ATP5F1A: variants seen among roughly 807,000 people sequenced by gnomAD.
ATP5F1A encodes ATP synthase F1 subunit alpha.
In ATP5F1A, 24 loss-of-function variants were observed where a neutral mutation model predicts 57.4. The observed-to-expected ratio is 0.42, with a 90% CI of 0.30 to 0.59. The LOEUF is 0.59. ATP5F1A is among the 20% of genes least tolerant of loss of function. The probability of loss-of-function intolerance (pLI) is 0.19; values close to 1 mark genes in which losing one functional copy is unlikely to be tolerated. For missense variants in ATP5F1A, 494 were observed against 707.9 expected, an observed-to-expected ratio of 0.70 and a Z score of 3.43; for synonymous variants, 251 against 255.5, an observed-to-expected ratio of 0.98 and a Z score of 0.17.
At chr18:46,087,313 T>C (rs1384854645) in intron 7 of ATP5F1A, 28 bp downstream of exon 7, 6 of 1,612,704 alleles carry the variant, frequency 3.7e-6, no homozygotes, top group South Asian at 3.3e-5. Context: ...TACAAATAAA[T>C]GGATTCTAAA....
rs1452767789 is a variant in ATP5F1A, at chr18:46,097,977, C to T, written c.60+195G>A. 2.3e-5 allele frequency: 33 copies of T among 1,408,838 alleles called. 1 individual carries two copies. Among genetic ancestry groups the T allele is most frequent in the Non-Finnish European group, 2.9e-5 (32 of 1,084,796 alleles). 87.3% of individuals were successfully genotyped at this position (1,408,838 alleles called of 1,614,324 possible). A position where few individuals can be genotyped will look rare whatever the true frequency, so the allele number is the denominator to read the frequency against. On this transcript the variant is annotated intron_variant, in intron 1 of 11. Transcript: ENST00000398752. ...CATCGAGTTAACTGTCTGCCCTGTA[C>T]CATTCTGCCTCTGCGCAGGTGACGA... is the stretch of plus-strand genomic sequence containing the variant.
chr18:46,086,519 C>T, intron 8 of ATP5F1A, 25 bp from the exon 9 acceptor site: 1 of 1,593,016 alleles, frequency 6.3e-7, no homozygotes, highest in Non-Finnish European at 8.6e-7. Flanking sequence ...AATACGCACG[C>T]TAGCAAGCTT....
intron 1 of ATP5F1A, among the ~76,000 whole-genome samples, chr18:46,097,636 A>C (rs945684953): frequency 1.3e-5 from 2 of 152,150 alleles, no homozygotes; most frequent in Non-Finnish European, 2.9e-5. Context: ...CAGCACTAAG[A>C]GAAAGCCTAC....
chr18:46,089,763 C>T lies in ATP5F1A; in HGVS notation c.484-31G>A, dbSNP rs187831312. On this transcript the variant is annotated intron_variant, in intron 4 of 11. Transcript: ENST00000398752. The stretch of plus-strand genomic sequence containing the variant: ...AAAAAATAAAAAGAAAAACCCTAAG[C>T]ATAATCAGTTTTGATGTTTGTTAGA... 26 of 1,612,582 alleles carry T rather than the reference C, an allele frequency of 1.6e-5. No individual in the cohort carries two copies. The East Asian group carries it at 5.6e-4, about 35-fold the overall frequency.
At chr18:46,090,078 C>T (rs1335794801) in intron 3 of ATP5F1A, 82 bp from the exon 4 acceptor site, 11 of 92,622 alleles carry the variant, frequency 1.2e-4, no homozygotes, top group South Asian at 5.4e-4. Flanking sequence ...AGAAAATAGT[C>T]GGGGGGTGGG....
chr18:46,102,911 A>G (rs1417428501), upstream of ATP5F1A, among the ~76,000 whole-genome samples: 1 of 152,008 alleles, frequency 6.6e-6, no homozygotes, highest in African/African-American at 2.4e-5. Context: ...TCACCACTAT[A>G]CTCCAGCTTG....
chr18:46,097,626 C>T (rs1911057770), intron 1 of ATP5F1A, among the ~76,000 whole-genome samples: 1 of 151,740 alleles, frequency 6.6e-6, no homozygotes, highest in Non-Finnish European at 1.5e-5. Context: ...GTTTCGTATT[C>T]AGCACTAAGA....
intron 2 of ATP5F1A, 59 bp downstream of exon 2, chr18:46,094,994 G>A: frequency 6.5e-7 from 1 of 1,533,562 alleles, no homozygotes. Context: ...GTTATACGAT[G>A]TATGTAATTT....
At chr18:46,089,363 C>G in intron 5 of ATP5F1A, 1 of 600,556 alleles carries the variant, frequency 1.7e-6, no homozygotes, top group Non-Finnish European at 2.8e-6. Context: ...GCTCTACCGA[C>G]TGAGCTAGCT....
chr18:46,086,640 T>C, intron 8 of ATP5F1A, 146 bp from the exon 9 acceptor site: 1 of 707,344 alleles, frequency 1.4e-6, no homozygotes, highest in Non-Finnish European at 2.3e-6. Flanking sequence ...ACCTGACCTG[T>C]ATATTTTATT....
intron 5 of ATP5F1A, among the ~76,000 whole-genome samples, chr18:46,089,216 G>C (rs1049323807): frequency 6.6e-6 from 1 of 152,092 alleles, no homozygotes; most frequent in Non-Finnish European, 1.5e-5. Context: ...TCTATACTTT[G>C]TATCTGTGTC....
rs771547673 is a variant in ATP5F1A, at chr18:46,086,149, C to T, written c.1393G>A (p.Val465Met). 1.9e-5 allele frequency: 30 copies of T among 1,612,056 alleles called. No individual in the cohort carries two copies. In the East Asian group the frequency reaches 2.7e-4, roughly 14 times the overall value. The change falls in exon 10 of 12, where the codon GTG becomes ATG. Residue 465 changes from valine (V) to methionine (M), a missense_variant. Physicochemically the swap from Val to Met is conservative, Grantham distance 21. Around this residue, in one of 6 missense-constraint regions of ATP5F1A, gnomAD observed 127 missense variants for 195.2 expected, o/e 0.65. Transcript: ENST00000398752. ...TGCTTCAGCAACTCAGTTAGACGCA[C>T]GCCACGACTCAAAAGTTGTTGAGTG... ...AATQQLLSRG[V>M]RLTELLKQGQ...
rs946721063 is a variant in ATP5F1A at position 46,083,011 on chromosome 18, C to G, written c.*1271G>C. 2.0e-5 allele frequency: 3 copies of G among 152,116 alleles called. No individual in the cohort carries two copies. Among genetic ancestry groups the G allele is most frequent in the South Asian group, 2.1e-4 (1 of 4,834 alleles). The allele number at this position is 152,116 out of a possible 1,614,324, so 9.4% of individuals were successfully genotyped here. On this transcript the variant is annotated 3_prime_UTR_variant, in exon 12 of 12. Coordinates refer to ENST00000398752, the MANE Select transcript of ATP5F1A (RefSeq NM_004046.6). ...GGTGCAGTGAGCTGAGATTACGCCA[C>G]TGCTCTCCAGCCTAGGTGACAGAGC...
At position 46,087,076 on chromosome 18, in the gene ATP5F1A, T is replaced by C. The variant is rs1302017048; in HGVS notation, c.1108A>G (p.Ile370Val). The change falls in exon 8 of 12, where the codon ATA (isoleucine) becomes GTA (valine). Residue 370 changes from isoleucine (I) to valine (V), a missense_variant. Coordinates refer to ENST00000398752, the MANE Select transcript of ATP5F1A (RefSeq NM_004046.6). Reference sequence around the variant, plus strand: ...GACACATCACCAGCCTGTGTTTCTATGACTGGCAAAGCAGTCAAGGAGCCA... The same window carrying C: ...GACACATCACCAGCCTGTGTTTCTACGACTGGCAAAGCAGTCAAGGAGCCA... ...GGGSLTALPV[I>V]ETQAGDVSAY... The C allele has an allele frequency of 6.2e-7, 1 of 1,613,974 alleles. No homozygotes were observed. The highest frequency in any genetic ancestry group is 1.3e-5 in the African/African-American group (1 of 74,944).
chr18:46,091,408 TA>T (rs1331041138), intron 3 of ATP5F1A, among the ~76,000 whole-genome samples: 1 of 152,224 alleles, frequency 6.6e-6, no homozygotes, highest in Non-Finnish European at 1.5e-5. Flanking sequence ...AGAACAGACT[TA>T]AACTTCTTGG....
At position 46,092,366 on chromosome 18, in the gene ATP5F1A, T is replaced by C. The variant is rs577724163; in HGVS notation, c.140-515A>G. 2.0e-5 allele frequency among the ~76,000 whole-genome samples: 3 copies of C among 151,382 alleles called. No individual in the cohort carries two copies. In the East Asian group the frequency reaches 5.8e-4, roughly 29 times the overall value. ...AGCCACAGTGGTAATGCTAGCACTTTAGGAGGCTGAGGCAGGCAGATCACT... is the reference window on the plus strand; with the variant it reads ...AGCCACAGTGGTAATGCTAGCACTTCAGGAGGCTGAGGCAGGCAGATCACT... On this transcript the variant is annotated intron_variant, in intron 2 of 11. Coordinates refer to ENST00000398752, the MANE Select transcript of ATP5F1A (RefSeq NM_004046.6).
rs577725010 is a variant in ATP5F1A at position 46,081,881 on chromosome 18, T to C, written c.*2401A>G. On this transcript the variant is annotated 3_prime_UTR_variant, in exon 12 of 12. Transcript: ENST00000398752. The stretch of plus-strand genomic sequence containing the variant: ...TATGAGTACTTTAAGAACTCTCCTT[T>C]TCCTACCAAAGATATTGGAGCCCAC... The C allele has an allele frequency of 1.6e-4, 25 of 151,996 alleles. No homozygotes were observed. Among genetic ancestry groups the C allele is most frequent in the African/African-American group, 5.8e-4 (24 of 41,496 alleles). 9.4% of individuals were successfully genotyped at this position (151,996 alleles called of 1,614,324 possible). A position where few individuals can be genotyped will look rare whatever the true frequency, so the allele number is the denominator to read the frequency against.
rs146467617 is a variant in ATP5F1A at position 46,091,743 on chromosome 18, C to T, written c.248G>A (p.Arg83His). The T allele has an allele frequency of 1.5e-4, 244 of 1,613,680 alleles. No homozygotes were observed. The highest frequency in any genetic ancestry group is 6.9e-4 in the African/African-American group (52 of 74,856). ...RVLSIGDGIA[R>H]VHGLRNVQAE... is the part of the protein sequence containing the mutation. ...TTGAACATTCCTCAGCCCATGTACG[C>T]GGGCAATACCATCACCAATACTTAA... The change falls in exon 3 of 12, where the codon CGC becomes CAC. Residue 83 changes from arginine to histidine, a missense_variant. Physicochemically the swap from Arg to His is conservative, Grantham distance 29. This residue lies in a region of ATP5F1A where 142 missense variants were observed against 137.5 expected (regional missense o/e 1.03). Transcript: ENST00000398752.
rs367927966 is a variant in ATP5F1A at position 46,088,232 on chromosome 18, T to C, written c.676A>G (p.Ile226Val). 6 of 1,589,730 alleles carry C rather than the reference T, an allele frequency of 3.8e-6. No homozygotes were observed. Among genetic ancestry groups the C allele is most frequent in the African/African-American group, 1.4e-5 (1 of 73,326 alleles). The change falls in exon 6 of 12, where the codon ATC (isoleucine) becomes GTC (valine). Residue 226 changes from isoleucine (I) to valine (V), a missense_variant. Physicochemically the swap from Ile to Val is conservative, Grantham distance 29 (BLOSUM62 3). Around this residue, in one of 6 missense-constraint regions of ATP5F1A, gnomAD observed 191 missense variants for 267.7 expected, o/e 0.71. Transcript: ENST00000398752. The stretch of plus-strand genomic sequence containing the variant: ...TCATTGAAACGTTTCTGGTTAATGA[T>C]TGTGTCAATAGCAATTGAGGTTTTC... ...TGKTSIAIDT[I>V]INQKRFNDGS...
Sources: allele counts gnomAD v4.1 joint callset (sites outside exome capture counted in the v4.1 genomes callset), GRCh38; gene constraint gnomAD v4.1.1; regional missense constraint gnomAD v4.1.1; transcripts MANE v1.5; gene names NCBI Gene and HGNC (gene_info 2026-07-23, HGNC 2026-07-21).